TANGO6: variants seen among roughly 807,000 people sequenced by gnomAD.
The protein encoded by TANGO6 is transport and golgi organization 6 homolog, also known as transport and Golgi organization protein 6 homolog.
A neutral mutation model predicts 114.2 loss-of-function variants in TANGO6; 90 were observed. The observed-to-expected ratio is 0.79, with a 90% confidence interval of 0.66 to 0.94. TANGO6 has a LOEUF of 0.94. TANGO6 is among the 40% of genes least tolerant of loss of function. The probability of loss-of-function intolerance (pLI) is 0.00; values close to 1 mark genes in which losing one functional copy is unlikely to be tolerated. For missense variants in TANGO6, 1,274 were observed against 1,315.3 expected (o/e 0.97, Z 0.49); for synonymous variants, 477 against 509.8 (o/e 0.94, Z 0.87).
intron 17 of TANGO6, among the ~76,000 whole-genome samples, chr16:69,065,307 G>A (rs1228607644): frequency 6.6e-6 from 1 of 152,208 alleles, no homozygotes; most frequent in Non-Finnish European, 1.5e-5. Flanking sequence ...CACACAGTTA[G>A]GTGTTGGGAG....
chr16:69,079,820 A>G (rs1178161130), intron 17 of TANGO6, among the ~76,000 whole-genome samples: 2 of 152,214 alleles, frequency 1.3e-5, no homozygotes, highest in Non-Finnish European at 2.9e-5. Context: ...CTCTCTGGCC[A>G]TATCTATCAA....
At chr16:68,928,929 GT>G (rs1963205478) in intron 13 of TANGO6, among the ~76,000 whole-genome samples, 1 of 151,708 alleles carries the variant, frequency 6.6e-6, no homozygotes. Context: ...GTTTTGTTTT[GT>G]TTTTTTGAGA....
At position 69,070,462 on chromosome 16, in the gene TANGO6, G is replaced by A. The variant is rs959215414; in HGVS notation, c.3109-13023G>A. Among the ~76,000 whole-genome samples the A allele has an allele frequency of 3.3e-5, 5 of 151,598 alleles. No homozygotes were observed. The South Asian group carries it at 6.3e-4, about 19-fold the overall frequency. ...AGCCTGGCCAACATGGTGAAACCCC[G>A]TCCCTAATAAAAATACAAAAATTAG... On this transcript the variant is annotated intron_variant, in intron 17 of 17. Transcript: ENST00000261778.
chr16:68,954,093 A>AT, intron 14 of TANGO6, among the ~76,000 whole-genome samples: 1 of 151,676 alleles, frequency 6.6e-6, no homozygotes, highest in African/African-American at 2.4e-5. Flanking sequence ...TACAAAAAAA[A>AT]AGAAAAGTTA....
In TANGO6 at chr16:69,084,035, T is replaced by C. The variant is rs947395504; in HGVS notation, c.*374T>C. Reference sequence around the variant, plus strand: ...GAGGAGAAGCGGTTGGCCACCCATATGTCACCTAGCTCTATATTCTTTCAG... The same window carrying C: ...GAGGAGAAGCGGTTGGCCACCCATACGTCACCTAGCTCTATATTCTTTCAG... On this transcript the variant is annotated 3_prime_UTR_variant, in exon 18 of 18. Coordinates refer to ENST00000261778, the MANE Select transcript of TANGO6 (RefSeq NM_024562.2). 6.0e-6 allele frequency: 1 copy of C among 167,944 alleles called. No homozygotes were observed. The highest frequency in any genetic ancestry group is 2.4e-5 in the African/African-American group (1 of 41,966). The allele number at this position is 167,944 out of a possible 1,614,324, so 10.4% of individuals were successfully genotyped here.
chr16:69,023,574 A>G (rs1959449558), intron 16 of TANGO6, among the ~76,000 whole-genome samples: 1 of 152,180 alleles, frequency 6.6e-6, no homozygotes, highest in Non-Finnish European at 1.5e-5. Context: ...TGATGTAACT[A>G]ACAGAATTGG....
intron 14 of TANGO6, among the ~76,000 whole-genome samples, chr16:68,958,567 G>A (rs1488193610): frequency 6.6e-6 from 1 of 150,774 alleles, no homozygotes; most frequent in Non-Finnish European, 1.5e-5. Flanking sequence ...GGAAAGAAAA[G>A]AAAGGAAAGA....
At chr16:69,061,567 C>A (rs1960116262) in intron 17 of TANGO6, among the ~76,000 whole-genome samples, 1 of 151,082 alleles carries the variant, frequency 6.6e-6, no homozygotes, top group Non-Finnish European at 1.5e-5. Flanking sequence ...ACAAAAAAGT[C>A]ATCTTCCCAT....
At chr16:68,921,780 T>C (rs1963098095) in intron 12 of TANGO6, among the ~76,000 whole-genome samples, 1 of 152,098 alleles carries the variant, frequency 6.6e-6, no homozygotes, top group Non-Finnish European at 1.5e-5. Context: ...CTGACTGATA[T>C]CAAGGTTATA....
intron 15 of TANGO6, among the ~76,000 whole-genome samples, chr16:69,011,153 AG>A (rs1567558172): frequency 6.6e-6 from 1 of 152,186 alleles, no homozygotes; most frequent in Non-Finnish European, 1.5e-5. Context: ...CTTAATGTGC[AG>A]GATAAGATAT....
At chr16:68,956,527 C>T (rs1321260083) in intron 14 of TANGO6, among the ~76,000 whole-genome samples, 1 of 152,086 alleles carries the variant, frequency 6.6e-6, no homozygotes, top group East Asian at 1.9e-4. Context: ...TGTCTTGGCA[C>T]TAAGCAGAGC....
intron 1 of TANGO6, among the ~76,000 whole-genome samples, chr16:68,844,201 C>G (rs1961769444): frequency 1.3e-5 from 2 of 152,096 alleles, no homozygotes; most frequent in Non-Finnish European, 2.9e-5. Context: ...TAGGGGTTAC[C>G]AGGCGCTTTT....
chr16:68,957,460 C>G (rs1217892106), intron 14 of TANGO6, among the ~76,000 whole-genome samples: 3 of 147,546 alleles, frequency 2.0e-5, no homozygotes, highest in African/African-American at 7.5e-5. Context: ...TGCAGTGGTG[C>G]GATTTTGGCT....
chr16:68,843,893 C>G (rs747354094), intron 1 of TANGO6, among the ~76,000 whole-genome samples, 182 bp downstream of exon 1: 2 of 152,218 alleles, frequency 1.3e-5, no homozygotes, highest in Non-Finnish European at 2.9e-5. Context: ...GAAACTGAGG[C>G]TCAAGGAGGG....
At chr16:68,947,973 A>G (rs1040399225) in intron 14 of TANGO6, among the ~76,000 whole-genome samples, 1 of 151,884 alleles carries the variant, frequency 6.6e-6, no homozygotes, top group Non-Finnish European at 1.5e-5. Context: ...GGATCAAGCC[A>G]TTTTACAGGG....
chr16:69,045,312 C>A (rs1199459998), intron 17 of TANGO6, among the ~76,000 whole-genome samples: 1 of 146,350 alleles, frequency 6.8e-6, no homozygotes, highest in South Asian at 2.2e-4. Context: ...GGTGTGGTGG[C>A]GGGTGCCTGT....
intron 17 of TANGO6, among the ~76,000 whole-genome samples, chr16:69,050,367 G>A (rs933389971): frequency 5.9e-5 from 9 of 152,016 alleles, no homozygotes; most frequent in Non-Finnish European, 8.8e-5. Flanking sequence ...TTTCTGAAAC[G>A]GGGTCTCATG....
At chr16:68,952,985 A>G (rs1277259831) in intron 14 of TANGO6, among the ~76,000 whole-genome samples, 1 of 151,688 alleles carries the variant, frequency 6.6e-6, no homozygotes, top group Admixed American at 6.6e-5. Context: ...TTCTTTGGCA[A>G]TTAGGGTTTT....
chr16:68,957,214 C>G (rs995175295), intron 14 of TANGO6, among the ~76,000 whole-genome samples: 2 of 151,900 alleles, frequency 1.3e-5, no homozygotes, highest in African/African-American at 2.4e-5. Flanking sequence ...ATTTAAAAAT[C>G]TACAATTCAG....
Sources: allele counts gnomAD v4.1 joint callset (sites outside exome capture counted in the v4.1 genomes callset), GRCh38; gene constraint gnomAD v4.1.1; transcripts MANE v1.5; gene names NCBI Gene and HGNC (gene_info 2026-07-23, HGNC 2026-07-21).